MTTP: variants seen among roughly 807,000 people sequenced by gnomAD.
The protein encoded by MTTP is microsomal triglyceride transfer protein.
In MTTP, 49 loss-of-function variants were observed where a neutral mutation model predicts 90.6. The ratio of observed to expected loss-of-function variants is 0.54; its 90% confidence interval spans 0.43 to 0.69. The LOEUF (loss-of-function observed/expected upper bound fraction) is 0.69. MTTP is among the 30% of genes least tolerant of loss of function. The pLI, the probability that MTTP is intolerant of heterozygous loss-of-function variation, is 0.00. For synonymous variants in MTTP, 347 were observed against 384.2 expected (o/e 0.90, Z 1.13); for missense variants, 945 against 1,067.5 (o/e 0.89, Z 1.60).
At chr4:99,569,754 A>C (rs1012589201) in intron 1 of MTTP, among the ~76,000 whole-genome samples, 6 of 152,066 alleles carry the variant, frequency 3.9e-5, no homozygotes, top group Non-Finnish European at 2.9e-5. Context: ...TTTAAACAAG[A>C]AATCTCAAAC....
chr4:99,589,920 T>C (rs1439419073), intron 4 of MTTP, among the ~76,000 whole-genome samples, 170 bp downstream of exon 4: 1 of 152,164 alleles, frequency 6.6e-6, no homozygotes, highest in Non-Finnish European at 1.5e-5. Context: ...CAATGTTTTG[T>C]TAATTAATTA....
chr4:99,597,425 T>A (rs1009492643), intron 8 of MTTP, among the ~76,000 whole-genome samples: 25 of 152,300 alleles, frequency 1.6e-4, no homozygotes, highest in Non-Finnish European at 3.4e-4. Context: ...TAGCAGATTT[T>A]CAGCAGGGAC....
chr4:99,609,695 G>GACAGC (rs1462860993), intron 12 of MTTP, among the ~76,000 whole-genome samples: 1 of 152,090 alleles, frequency 6.6e-6, no homozygotes, highest in African/African-American at 2.4e-5. Context: ...AATGAAAAAA[G>GACAGC]ACAGCATTAA....
At position 99,604,576 on chromosome 4, in the gene MTTP, T is replaced by C. The variant is rs1203346660; in HGVS notation, c.1345-2172T>C. On this transcript the variant is annotated intron_variant, in intron 10 of 17. Coordinates refer to ENST00000265517, the MANE Select transcript of MTTP (RefSeq NM_001386140.1). Reference sequence around the variant, plus strand: ...GTCTTATTTTAGTTGAATAATTTGATAATAAATTGCAGACATCTGACATTT... The same window carrying C: ...GTCTTATTTTAGTTGAATAATTTGACAATAAATTGCAGACATCTGACATTT... Among the ~76,000 whole-genome samples, 4 of 152,192 alleles carry C rather than the reference T, an allele frequency of 2.6e-5. No homozygotes were observed. The East Asian group carries it at 7.7e-4, about 29-fold the overall frequency.
chr4:99,600,379 G>A (rs1725664449), intron 8 of MTTP, among the ~76,000 whole-genome samples, 186 bp from the exon 9 acceptor site: 1 of 151,876 alleles, frequency 6.6e-6, no homozygotes, highest in Non-Finnish European at 1.5e-5. Context: ...CGTTCAAGGA[G>A]AAAATTAAAA....
chr4:99,622,038 T>A (rs959780043), intron 17 of MTTP, among the ~76,000 whole-genome samples: 2 of 152,192 alleles, frequency 1.3e-5, no homozygotes, highest in African/African-American at 4.8e-5. Flanking sequence ...TGATTCATAT[T>A]AAAAAACGCA....
intron 7 of MTTP, 90 bp downstream of exon 7, chr4:99,594,973 C>A: frequency 6.6e-7 from 1 of 1,504,228 alleles, no homozygotes; most frequent in Non-Finnish European, 9.2e-7. Context: ...TCAATGAAGA[C>A]AGTTTCTAAA....
At chr4:99,587,662 A>G (rs1725290502) in intron 3 of MTTP, among the ~76,000 whole-genome samples, 1 of 152,092 alleles carries the variant, frequency 6.6e-6, no homozygotes, top group South Asian at 2.1e-4. Flanking sequence ...CACTTAGGAG[A>G]TCTTGCTTTC....
At chr4:99,601,776 C>G in intron 10 of MTTP, 62 bp downstream of exon 10, 1 of 1,247,594 alleles carries the variant, frequency 8.0e-7, no homozygotes, top group Non-Finnish European at 1.2e-6. Context: ...TTGATACTCA[C>G]CATGCTGCCT....
At position 99,589,702 on chromosome 4, in the gene MTTP, T is replaced by C. The variant is rs991811; in HGVS notation, c.453T>C (p.Gly151=). ...TGGCCATAGAAAATATCAAGAGAGG[T>C]CTGGCTAGCCTATTTCAGACACAGT... ...EAVAIENIKR[G]LASLFQTQLS... is the part of the protein sequence containing the mutation. Residue 151 remains glycine, a synonymous_variant, in exon 4 of 18, where the codon GGT becomes GGC. Coordinates refer to ENST00000265517, the MANE Select transcript of MTTP (RefSeq NM_001386140.1). 0.38 allele frequency: 617,277 copies of C among 1,603,712 alleles called. 129,972 individuals carry two copies. Among genetic ancestry groups the C allele is most frequent in the African/African-American group, 0.77 (57,021 of 74,516 alleles).
chr4:99,611,467 C>T lies in MTTP; in HGVS notation c.1989+14C>T, dbSNP rs371342301. 1.9e-6 allele frequency: 3 copies of T among 1,613,808 alleles called. No homozygotes were observed. The highest frequency in any genetic ancestry group is 2.7e-5 in the African/African-American group (2 of 75,010). ...CACGGTAGCCAGGTAACTCACTTCT[C>T]ATGGATTTTGCTTAATAAAGTATGC... On this transcript the variant is annotated intron_variant, in intron 14 of 17. Coordinates refer to ENST00000265517, the MANE Select transcript of MTTP (RefSeq NM_001386140.1).
chr4:99,575,052 G>T, intron 1 of MTTP, 82 bp downstream of exon 1: 1 of 1,442,032 alleles, frequency 6.9e-7, no homozygotes, highest in South Asian at 1.1e-5. Context: ...GTGTGTTTGT[G>T]TGAGTGAATA....
intron 16 of MTTP, among the ~76,000 whole-genome samples, chr4:99,619,864 G>A (rs2110237547): frequency 6.6e-6 from 1 of 152,290 alleles, no homozygotes; most frequent in East Asian, 1.9e-4. Context: ...AACACAGAAT[G>A]AAAAATGACA....
chr4:99,613,244 C>A, intron 15 of MTTP, 104 bp downstream of exon 15: 1 of 1,016,036 alleles, frequency 9.8e-7, no homozygotes, highest in Non-Finnish European at 1.5e-6. Context: ...TTGTGCCCAT[C>A]TTGGAGCTCA....
At chr4:99,583,563 T>G (rs1725181860) in intron 3 of MTTP, 46 bp downstream of exon 3, 2 of 1,608,248 alleles carry the variant, frequency 1.2e-6, no homozygotes, top group Non-Finnish European at 1.7e-6. Flanking sequence ...AACTTCATAT[T>G]TTTCTTCCCT....
intron 11 of MTTP, 30 bp from the exon 12 acceptor site, chr4:99,608,736 G>A (rs1408410456): frequency 2.0e-6 from 3 of 1,521,238 alleles, no homozygotes; most frequent in African/African-American, 1.4e-5. Flanking sequence ...AAATCTAGAT[G>A]TGCACTAAGT....
intron 1 of MTTP, among the ~76,000 whole-genome samples, chr4:99,576,153 T>C (rs1168886701): frequency 2.0e-5 from 3 of 152,146 alleles, no homozygotes; most frequent in Admixed American, 6.5e-5. Context: ...CAAAAGAAAT[T>C]TTTTAATGAG....
chr4:99,595,879 C>T (rs1725540647), intron 7 of MTTP, among the ~76,000 whole-genome samples: 1 of 151,470 alleles, frequency 6.6e-6, no homozygotes, highest in Non-Finnish European at 1.5e-5. Context: ...ATTAATTTCT[C>T]TCCCATAGAT....
chr4:99,612,371 T>TA (rs1393857271), intron 14 of MTTP, among the ~76,000 whole-genome samples: 8 of 151,874 alleles, frequency 5.3e-5, no homozygotes, highest in Admixed American at 5.3e-4. Context: ...ATCGACTTTT[T>TA]TTTTTTTTTT....
Sources: gnomAD v4.1 joint callset for allele counts (sites outside exome capture counted in the v4.1 genomes callset) on GRCh38, gnomAD v4.1.1 for gene constraint, MANE v1.5 for transcripts, NCBI Gene and HGNC (gene_info 2026-07-23, HGNC 2026-07-21) for gene names.